EYS: variants seen among roughly 807,000 people sequenced by gnomAD.
The protein encoded by EYS is protein eyes shut homolog.
A neutral mutation model predicts 282.1 loss-of-function variants in EYS; 250 were observed. That is an observed-to-expected ratio of 0.89 (90% CI 0.80 to 0.98). The LOEUF (loss-of-function observed/expected upper bound fraction) is 0.98. EYS is among the 50% of genes least tolerant of loss of function. EYS has a pLI of 0.00. For synonymous variants in EYS, 1,355 were observed against 1,282.9 expected (o/e 1.06, Z -1.20); for missense variants, 4,016 against 3,709.0 (o/e 1.08, Z -2.15).
intron 30 of EYS, among the ~76,000 whole-genome samples, chr6:64,296,592 ATATATAT>A (rs1769029235): frequency 4.4e-4 from 2 of 4,500 alleles, no homozygotes; most frequent in African/African-American, 1.7e-3. Flanking sequence ...ATACATATAT[ATATATAT>A]TTTTTTTTTT....
At chr6:65,458,878 C>T (rs916138528) in intron 5 of EYS, among the ~76,000 whole-genome samples, 1 of 151,940 alleles carries the variant, frequency 6.6e-6, no homozygotes, top group Admixed American at 6.6e-5. Context: ...AACATCATTG[C>T]AGGTACTATT....
Position 65,201,980 on chromosome 6 carries a change from C to T in EYS, c.2023+93883G>A, listed in dbSNP as rs570287872. 2.3e-3 allele frequency among the ~76,000 whole-genome samples: 344 copies of T among 152,060 alleles called. 5 individuals carry two copies. The highest frequency in any genetic ancestry group is 7.3e-3 in the Admixed American group (112 of 15,280). Reference sequence around the variant, plus strand: ...TACAAAAATAAGCTGGGCGTGGTGACGCACACCTGTAGTCCCAGCTACTCA... The same window carrying T: ...TACAAAAATAAGCTGGGCGTGGTGATGCACACCTGTAGTCCCAGCTACTCA... On this transcript the variant is annotated intron_variant, in intron 12 of 42. Coordinates refer to ENST00000503581, the MANE Select transcript of EYS (RefSeq NM_001142800.2).
chr6:64,480,521 T>C (rs1434229392), intron 26 of EYS, among the ~76,000 whole-genome samples: 4 of 151,848 alleles, frequency 2.6e-5, no homozygotes, highest in Non-Finnish European at 4.4e-5. Context: ...TCAGCTAACG[T>C]TGATAAGACT....
intron 35 of EYS, among the ~76,000 whole-genome samples, chr6:63,900,998 AAAC>A (rs1773644993): frequency 6.6e-6 from 1 of 152,238 alleles, no homozygotes; most frequent in African/African-American, 2.4e-5. Context: ...ACCTGCAAAG[AAAC>A]AACCTGTGAT....
At chr6:64,085,275 CCT>C (rs912831352) in intron 31 of EYS, among the ~76,000 whole-genome samples, 2 of 151,412 alleles carry the variant, frequency 1.3e-5, no homozygotes, top group African/African-American at 2.4e-5. Context: ...CCTGCCCAGC[CCT>C]CTGTCTCTTT....
intron 12 of EYS, among the ~76,000 whole-genome samples, chr6:65,287,531 C>T (rs1224403237): frequency 6.6e-6 from 1 of 151,248 alleles, no homozygotes; most frequent in Non-Finnish European, 1.5e-5. Context: ...TCCTGAAATG[C>T]AACATTTAGT....
At chr6:64,613,469 A>C (rs896089707) in intron 24 of EYS, among the ~76,000 whole-genome samples, 2 of 152,146 alleles carry the variant, frequency 1.3e-5, no homozygotes, top group Admixed American at 6.6e-5. Flanking sequence ...CAATAAGAGA[A>C]AAGCTGAACA....
chr6:65,680,780 A>G (rs1013556653), intron 1 of EYS, among the ~76,000 whole-genome samples: 1 of 151,956 alleles, frequency 6.6e-6, no homozygotes, highest in Non-Finnish European at 1.5e-5. Context: ...TCAGCAAAGA[A>G]GTGATCAATT....
chr6:64,470,440 C>T (rs906648293), intron 26 of EYS, among the ~76,000 whole-genome samples: 1 of 151,892 alleles, frequency 6.6e-6, no homozygotes, highest in Non-Finnish European at 1.5e-5. Flanking sequence ...AATAGAAATT[C>T]TAGAATTGAA....
chr6:64,582,888 A>G (rs1766119059), intron 26 of EYS, among the ~76,000 whole-genome samples: 1 of 152,092 alleles, frequency 6.6e-6, no homozygotes, highest in Non-Finnish European at 1.5e-5. Context: ...CAGGAAAGAA[A>G]ATGCCAGGAT....
chr6:64,756,295 A>G (rs1468943908), intron 22 of EYS, among the ~76,000 whole-genome samples: 2 of 152,196 alleles, frequency 1.3e-5, no homozygotes, highest in African/African-American at 2.4e-5. Flanking sequence ...TGAACTCCAA[A>G]TGATTAAAAC....
chr6:65,332,334 AC>A lies in EYS; in HGVS notation c.1766+2645del. ...GCCACTAAATCAAACTTATATTCTT[AC>A]GATAAATCCCACCTGGTCATGCTGT... is the stretch of plus-strand genomic sequence containing the variant. On this transcript the variant is annotated intron_variant, in intron 11 of 42. Coordinates refer to ENST00000503581, the MANE Select transcript of EYS (RefSeq NM_001142800.2). The A allele has an allele frequency of 2.7e-6, 2 of 751,704 alleles. No individual in the cohort carries two copies. The highest frequency in any genetic ancestry group is 5.4e-5 in the East Asian group (2 of 37,176). The allele number at this position is 751,704 out of a possible 1,614,324, so 46.6% of individuals were successfully genotyped here.
chr6:65,081,295 C>G (rs1774224460), intron 12 of EYS, among the ~76,000 whole-genome samples: 1 of 151,944 alleles, frequency 6.6e-6, no homozygotes, highest in Admixed American at 6.6e-5. Flanking sequence ...GTGACAAAAG[C>G]AAGCTTAGTG....
At chr6:65,162,179 T>G (rs1764866315) in intron 12 of EYS, among the ~76,000 whole-genome samples, 1 of 151,264 alleles carries the variant, frequency 6.6e-6, no homozygotes, top group Non-Finnish European at 1.5e-5. Flanking sequence ...ACACTTGGTC[T>G]TTAATCTCAG....
At chr6:64,041,825 TC>T in intron 33 of EYS, among the ~76,000 whole-genome samples, 1 of 152,328 alleles carries the variant, frequency 6.6e-6, no homozygotes, top group African/African-American at 2.4e-5. Flanking sequence ...TAAGTTTATA[TC>T]TGAGGCAGAA....
At chr6:65,201,626 G>C (rs1253987709) in intron 12 of EYS, among the ~76,000 whole-genome samples, 1 of 152,030 alleles carries the variant, frequency 6.6e-6, no homozygotes, top group Non-Finnish European at 1.5e-5. Context: ...TGTTCATTTA[G>C]TGTGAGCTAT....
At chr6:65,422,304 A>G (rs1350695672) in intron 5 of EYS, among the ~76,000 whole-genome samples, 3 of 151,908 alleles carry the variant, frequency 2.0e-5, no homozygotes, top group African/African-American at 7.2e-5. Flanking sequence ...ACTTGATACA[A>G]ATACTTACAA....
chr6:63,931,161 C>T (rs1239782778), intron 35 of EYS, among the ~76,000 whole-genome samples: 2 of 152,122 alleles, frequency 1.3e-5, no homozygotes, highest in Non-Finnish European at 2.9e-5. Context: ...TGCTCTTCAG[C>T]CTCACTCTTT....
chr6:64,059,343 A>C (rs971482406), intron 33 of EYS, among the ~76,000 whole-genome samples: 1 of 152,072 alleles, frequency 6.6e-6, no homozygotes, highest in African/African-American at 2.4e-5. Flanking sequence ...AATTTTGCTA[A>C]TTGCCATTCT....
Sources: gnomAD v4.1 joint callset for allele counts (sites outside exome capture counted in the v4.1 genomes callset) on GRCh38, gnomAD v4.1.1 for gene constraint, MANE v1.5 for transcripts, NCBI Gene and HGNC (gene_info 2026-07-23, HGNC 2026-07-21) for gene names.